KALRN: variants seen among roughly 807,000 people sequenced by gnomAD.
The protein encoded by KALRN is kalirin RhoGEF kinase, also known as kalirin.
In KALRN, 70 loss-of-function variants were observed where a neutral mutation model predicts 353.7. That is an observed-to-expected ratio of 0.20 (90% confidence interval 0.16 to 0.24). The LOEUF is 0.24. Ranked by LOEUF, KALRN falls within the 10% of genes least tolerant of loss-of-function variation. The pLI, the probability that KALRN is intolerant of heterozygous loss-of-function variation, is 1.00. For missense variants in KALRN, 2,791 were observed against 3,756.7 expected, an observed-to-expected ratio of 0.74 and a Z score of 6.72; for synonymous variants, 1,391 against 1,434.8, an observed-to-expected ratio of 0.97 and a Z score of 0.69.
At position 124,234,577 on chromosome 3, in the gene KALRN, C is replaced by T. The variant is rs186766005; in HGVS notation, c.149-252C>T. ...GCCAACTCATCAGTTCTTGCAACAG[C>T]CCTGTAATGTGCACAGTACTGTTTT... On this transcript the variant is annotated intron_variant, in intron 2 of 59. Transcript: ENST00000682506. Among the ~76,000 whole-genome samples, 384 of 152,288 alleles carry T rather than the reference C, an allele frequency of 2.5e-3. 4 individuals are homozygous for T. The highest frequency in any genetic ancestry group is 3.1e-3 in the Non-Finnish European group (214 of 68,022).
chr3:124,415,440 C>T (rs2092443377), intron 14 of KALRN, among the ~76,000 whole-genome samples: 1 of 152,202 alleles, frequency 6.6e-6, no homozygotes, highest in Admixed American at 6.5e-5. Flanking sequence ...TTAGCATCAC[C>T]TGAGGATGTG....
intron 41 of KALRN, among the ~76,000 whole-genome samples, chr3:124,658,188 C>T (rs2084331141): frequency 6.6e-6 from 1 of 152,148 alleles, no homozygotes; most frequent in African/African-American, 2.4e-5. Context: ...TTCTTCTCTT[C>T]TGCTCTTCCT....
rs549333783 is a variant in KALRN at position 124,132,678 on chromosome 3, C to T, written c.74-95312C>T. ...GGGAAGGAACCAGGGCCTTGTAACT[C>T]AGAGAATTGGGGAAAAGCTTTGTGG... On this transcript the variant is annotated intron_variant, in intron 1 of 59. Coordinates refer to ENST00000682506, the MANE Select transcript of KALRN (RefSeq NM_001388419.1). Among the ~76,000 whole-genome samples, 4 of 152,254 alleles carry T rather than the reference C, an allele frequency of 2.6e-5. No individual in the cohort carries two copies. The East Asian group carries it at 7.7e-4, about 29-fold the overall frequency.
chr3:124,668,301 C>A (rs540658999), intron 47 of KALRN, among the ~76,000 whole-genome samples: 1 of 152,286 alleles, frequency 6.6e-6, no homozygotes, highest in East Asian at 1.9e-4. Flanking sequence ...TAGAATGGAA[C>A]TGAATGCTGA....
At chr3:124,441,921 G>T in intron 18 of KALRN, 24 bp from the exon 19 acceptor site, 1 of 1,445,134 alleles carries the variant, frequency 6.9e-7, no homozygotes, top group South Asian at 1.3e-5. Flanking sequence ...TGGGACAGGG[G>T]CCTCACAGCT....
At chr3:124,241,626 G>C (rs1485748319) in intron 3 of KALRN, among the ~76,000 whole-genome samples, 1 of 152,182 alleles carries the variant, frequency 6.6e-6, no homozygotes, top group South Asian at 2.1e-4. Flanking sequence ...TCCTTACATA[G>C]TGCCAGGTAC....
At chr3:124,410,510 T>G (rs9809750) in intron 13 of KALRN, among the ~76,000 whole-genome samples, 76,441 of 152,032 alleles carry the variant, frequency 0.5, 20,019 homozygotes, top group African/African-American at 0.63. Context: ...GTTAATTAAC[T>G]CAGTATTTTA....
chr3:124,403,182 A>G (rs1398024326), intron 13 of KALRN, among the ~76,000 whole-genome samples: 2 of 152,234 alleles, frequency 1.3e-5, no homozygotes, highest in Non-Finnish European at 2.9e-5. Context: ...GCCATCTGCC[A>G]TGTGGTCAGA....
intron 5 of KALRN, among the ~76,000 whole-genome samples, chr3:124,282,499 T>G (rs2075449590): frequency 6.6e-6 from 1 of 151,586 alleles, no homozygotes; most frequent in Non-Finnish European, 1.5e-5. Flanking sequence ...TGCCTCAGCC[T>G]CCTGAGTAAC....
chr3:124,641,493 A>G (rs2082037695), intron 37 of KALRN, among the ~76,000 whole-genome samples: 1 of 152,186 alleles, frequency 6.6e-6, no homozygotes, highest in Non-Finnish European at 1.5e-5. Context: ...GAATCAGAAG[A>G]CCTAGGATTT....
intron 37 of KALRN, among the ~76,000 whole-genome samples, chr3:124,648,321 A>C (rs1310501656): frequency 6.6e-6 from 1 of 152,188 alleles, no homozygotes; most frequent in Non-Finnish European, 1.5e-5. Flanking sequence ...TCCCCTAGAG[A>C]TAGCCTGGGC....
At chr3:124,146,264 T>G (rs1348434908) in intron 1 of KALRN, among the ~76,000 whole-genome samples, 1 of 152,164 alleles carries the variant, frequency 6.6e-6, no homozygotes, top group African/African-American at 2.4e-5. Context: ...CAGTCAGTAA[T>G]GAGGAGCACA....
chr3:124,719,377 A>G lies in KALRN; in HGVS notation c.8868A>G (p.Ala2956=), dbSNP rs998847211. 1.9e-6 allele frequency: 3 copies of G among 1,614,088 alleles called. No individual in the cohort carries two copies. The African/African-American group carries it at 4.0e-5, about 22-fold the overall frequency. ...SKIPLDTSRL[A]CFIERRKHQN... is the part of the protein sequence containing the mutation. The stretch of plus-strand genomic sequence containing the variant: ...TCCCCCTGGACACCTCCCGCCTAGC[A>G]TGCTTCATAGAACGTCGCAAGCACC... The change falls in exon 60 of 60, where the codon GCA becomes GCG. Residue 2956 remains alanine (A), a synonymous_variant. Coordinates refer to ENST00000682506, the MANE Select transcript of KALRN (RefSeq NM_001388419.1). This position sits in a 1 kb window ranked among gnomAD's most constrained non-coding sequence, Gnocchi z 5.3.
intron 13 of KALRN, among the ~76,000 whole-genome samples, chr3:124,406,830 T>C (rs2091594616): frequency 1.0e-5 from 1 of 99,430 alleles, no homozygotes; most frequent in South Asian, 4.5e-4. Flanking sequence ...CAAGTTGCTT[T>C]GCTTTTTTTT....
intron 1 of KALRN, among the ~76,000 whole-genome samples, chr3:124,113,338 T>C (rs1450640468): frequency 1.3e-5 from 2 of 152,234 alleles, no homozygotes; most frequent in Admixed American, 1.3e-4. Flanking sequence ...TTAACCTGTA[T>C]TGCCTAAAAT....
chr3:124,250,516 G>A (rs149020038), intron 3 of KALRN, among the ~76,000 whole-genome samples: 26 of 152,326 alleles, frequency 1.7e-4, no homozygotes, highest in East Asian at 7.7e-4. Flanking sequence ...CTTACTCCAC[G>A]TTTTAGAAAG....
Position 124,271,351 on chromosome 3 carries a change from C to A in KALRN, c.969+2096C>A, listed in dbSNP as rs140962063. 1.4e-4 allele frequency among the ~76,000 whole-genome samples: 22 copies of A among 152,234 alleles called. No homozygotes were observed. In the East Asian group the frequency reaches 4.2e-3, roughly 29 times the overall value. On this transcript the variant is annotated intron_variant, in intron 5 of 59. Coordinates refer to ENST00000682506, the MANE Select transcript of KALRN (RefSeq NM_001388419.1). ...AAGGACATGGGAAGCCTGCATAGGG[C>A]ACAGATAGTGCCTGTCTGAAAAACC...
intron 34 of KALRN, among the ~76,000 whole-genome samples, chr3:124,600,565 G>A (rs900392223): frequency 6.6e-6 from 1 of 152,050 alleles, no homozygotes; most frequent in East Asian, 1.9e-4. Context: ...AGTTTGTAAC[G>A]TTTAACTCAT....
chr3:124,563,228 T>A (rs1463023991), intron 34 of KALRN, 139 bp downstream of exon 34: 6 of 904,104 alleles, frequency 6.6e-6, no homozygotes, highest in Non-Finnish European at 9.1e-6. Context: ...GACCTGACTG[T>A]GAAGAGAATG....
Sources: gnomAD v4.1 joint callset for allele counts (sites outside exome capture counted in the v4.1 genomes callset) on GRCh38, gnomAD v4.1.1 for gene constraint, Gnocchi (gnomAD v3.1) non-coding constraint, MANE v1.5 for transcripts, NCBI Gene and HGNC (gene_info 2026-07-23, HGNC 2026-07-21) for gene names.